PLPPR1: variants seen among roughly 807,000 people sequenced by gnomAD.
PLPPR1 encodes phospholipid phosphatase related 1, also known as phospholipid phosphatase-related protein type 1.
In PLPPR1, 10 loss-of-function variants were observed where a neutral mutation model predicts 33.1. The ratio of observed to expected loss-of-function variants is 0.30; its 90% CI spans 0.19 to 0.51. The LOEUF (loss-of-function observed/expected upper bound fraction) is 0.51. Among genes scored for constraint, PLPPR1 ranks in the 20% least tolerant of loss-of-function variants. PLPPR1 has a pLI of 0.97. For synonymous variants in PLPPR1, 151 were observed against 151.0 expected, an observed-to-expected ratio of 1.00 and a Z score of 0.00; for missense variants, 304 against 408.1, an observed-to-expected ratio of 0.74 and a Z score of 2.20.
intron 2 of PLPPR1, among the ~76,000 whole-genome samples, chr9:101,210,523 G>GAT (rs1213680034): frequency 1.3e-5 from 2 of 152,054 alleles, no homozygotes; most frequent in African/African-American, 4.8e-5. Context: ...ACTATAAGAG[G>GAT]ATTCATAGTC....
chr9:101,098,852 T>C (rs183348793), intron 1 of PLPPR1, among the ~76,000 whole-genome samples: 19 of 152,228 alleles, frequency 1.2e-4, no homozygotes, highest in African/African-American at 4.6e-4. Context: ...TTTTCAAATA[T>C]GGAAAGTGAG....
chr9:101,066,321 C>T (rs1830413350), intron 1 of PLPPR1, among the ~76,000 whole-genome samples: 1 of 151,948 alleles, frequency 6.6e-6, no homozygotes, highest in Non-Finnish European at 1.5e-5. Flanking sequence ...TAACCTTGAT[C>T]ACCTGGCTGA....
At chr9:101,160,624 G>A (rs1831760590) in intron 1 of PLPPR1, among the ~76,000 whole-genome samples, 1 of 152,036 alleles carries the variant, frequency 6.6e-6, no homozygotes, top group African/African-American at 2.4e-5. Context: ...TGTTTAACAT[G>A]GACTGAAGAT....
chr9:101,235,646 C>T (rs1459700731), intron 2 of PLPPR1, among the ~76,000 whole-genome samples: 2 of 151,704 alleles, frequency 1.3e-5, no homozygotes, highest in Admixed American at 6.6e-5. Flanking sequence ...GCTCAATTAC[C>T]GAGAGCACTT....
chr9:101,047,938 C>A (rs760969280), intron 1 of PLPPR1, among the ~76,000 whole-genome samples: 8 of 152,258 alleles, frequency 5.3e-5, no homozygotes, highest in South Asian at 2.1e-4. Flanking sequence ...AGAAACTGAA[C>A]CTTTAATGTT....
chr9:101,140,493 A>C (rs1306374525), intron 1 of PLPPR1, among the ~76,000 whole-genome samples: 1 of 152,232 alleles, frequency 6.6e-6, no homozygotes, highest in Non-Finnish European at 1.5e-5. Context: ...AAAAGGCAGC[A>C]GAAGATGCCT....
intron 2 of PLPPR1, among the ~76,000 whole-genome samples, chr9:101,261,726 C>T (rs1190520706): frequency 6.6e-6 from 1 of 152,100 alleles, no homozygotes; most frequent in Non-Finnish European, 1.5e-5. Flanking sequence ...GGCCATTATC[C>T]TTAGCAAACT....
At position 101,235,341 on chromosome 9, in the gene PLPPR1, A is replaced by T. The variant is rs1350742147; in HGVS notation, c.64-34539A>T. 3.3e-5 allele frequency among the ~76,000 whole-genome samples: 5 copies of T among 151,838 alleles called. No homozygotes were observed. In the East Asian group the frequency reaches 9.7e-4, roughly 29 times the overall value. On this transcript the variant is annotated intron_variant, in intron 2 of 7. Coordinates refer to ENST00000374874, the MANE Select transcript of PLPPR1 (RefSeq NM_207299.2). Reference sequence around the variant, plus strand: ...AGAACTGTTTAATTTCACTCTCATGACGGTTAGATGGGAGCTGTAAGCATT... The same window carrying T: ...AGAACTGTTTAATTTCACTCTCATGTCGGTTAGATGGGAGCTGTAAGCATT...
Position 101,167,141 on chromosome 9 carries a change from GGTGTGTGTGTGT to G in PLPPR1, c.-45-18278_-45-18267del, listed in dbSNP as rs756843224. 7.2e-3 allele frequency among the ~76,000 whole-genome samples: 285 copies of G among 39,744 alleles called. 7 individuals carry two copies. The highest frequency in any genetic ancestry group is 0.021 in the African/African-American group (255 of 12,244). The allele number at this position is 39,744 out of a possible 152,430, so 26.1% of individuals were successfully genotyped here. ...TGCTGTCTCTGTCTTTATGTCTCTC[GGTGTGTGTGTGT>G]GTGTGTGTGTGTGTGTGTGTGTGTG... On this transcript the variant is annotated intron_variant, in intron 1 of 7. Transcript: ENST00000374874.
chr9:101,280,472 A>G (rs760346520), intron 3 of PLPPR1, among the ~76,000 whole-genome samples: 11 of 152,132 alleles, frequency 7.2e-5, no homozygotes, highest in Non-Finnish European at 1.5e-4. Flanking sequence ...AAAACCAGAC[A>G]AAGACACATC....
At chr9:101,294,266 T>C (rs1828577002) in intron 4 of PLPPR1, among the ~76,000 whole-genome samples, 2 of 151,788 alleles carry the variant, frequency 1.3e-5, no homozygotes, top group South Asian at 4.2e-4. Flanking sequence ...AAGTTGAATC[T>C]CTGAATAGAC....
intron 1 of PLPPR1, among the ~76,000 whole-genome samples, chr9:101,045,187 C>T (rs1564129221): frequency 6.6e-6 from 1 of 152,186 alleles, no homozygotes; most frequent in Non-Finnish European, 1.5e-5. Flanking sequence ...ATGCCCTCGA[C>T]CTCTGTAGAG....
intron 2 of PLPPR1, among the ~76,000 whole-genome samples, chr9:101,266,153 G>A (rs568596126): frequency 1.7e-4 from 26 of 151,122 alleles, no homozygotes; most frequent in Non-Finnish European, 2.7e-4. Flanking sequence ...AAGGCCGGGC[G>A]CGGTGGCTCA....
chr9:101,231,339 C>A (rs1240376424), intron 2 of PLPPR1, among the ~76,000 whole-genome samples: 1 of 148,660 alleles, frequency 6.7e-6, no homozygotes, highest in Non-Finnish European at 1.5e-5. Context: ...CCTGAAGTCT[C>A]CTGGCTATAA....
At chr9:101,219,148 A>C (rs1826869552) in intron 2 of PLPPR1, among the ~76,000 whole-genome samples, 2 of 152,218 alleles carry the variant, frequency 1.3e-5, no homozygotes, top group Non-Finnish European at 2.9e-5. Context: ...ATGCTACGGA[A>C]GCTTTCTGTT....
intron 1 of PLPPR1, among the ~76,000 whole-genome samples, chr9:101,094,697 A>G (rs80033368): frequency 0.014 from 2,061 of 152,290 alleles, 56 homozygotes; most frequent in African/African-American, 0.047. Context: ...AACACTGCAC[A>G]TAGGTTGCCT....
rs34152471 is a variant in PLPPR1 at position 101,113,206 on chromosome 9, CTTT to C, written c.-45-72231_-45-72229del. 1.3e-3 allele frequency among the ~76,000 whole-genome samples: 189 copies of C among 144,234 alleles called. 1 individual carries two copies. Among genetic ancestry groups the C allele is most frequent in the African/African-American group, 3.3e-3 (130 of 39,176 alleles). 94.6% of individuals were successfully genotyped at this position (144,234 alleles called of 152,430 possible). A position where few individuals can be genotyped will look rare whatever the true frequency, so the allele number is the denominator to read the frequency against. On this transcript the variant is annotated intron_variant, in intron 1 of 7. Transcript: ENST00000374874. ...TGCTTAATTCTTAAGCATATTAATC[CTTT>C]TTTTTTTTTTTTAACCCTGGAGGAT...
At chr9:101,134,812 C>T (rs1564154406) in intron 1 of PLPPR1, among the ~76,000 whole-genome samples, 2 of 152,226 alleles carry the variant, frequency 1.3e-5, no homozygotes, top group East Asian at 3.9e-4. Context: ...ATGTGTGGGA[C>T]ACGGTGGAAC....
chr9:101,253,454 C>T lies in PLPPR1; in HGVS notation c.64-16426C>T, dbSNP rs543733292. Among the ~76,000 whole-genome samples the T allele has an allele frequency of 4.0e-5, 6 of 151,742 alleles. No homozygotes were observed. The East Asian group carries it at 5.9e-4, about 15-fold the overall frequency. On this transcript the variant is annotated intron_variant, in intron 2 of 7. Transcript: ENST00000374874. Reference sequence around the variant, plus strand: ...TACAGCTACTTGGGAGGCTGAGGCACGAGAATTGCTTGAACCCAGGAGGCT... The same window carrying T: ...TACAGCTACTTGGGAGGCTGAGGCATGAGAATTGCTTGAACCCAGGAGGCT...
Sources: allele counts gnomAD v4.1 joint callset (sites outside exome capture counted in the v4.1 genomes callset), GRCh38; gene constraint gnomAD v4.1.1; transcripts MANE v1.5; gene names NCBI Gene and HGNC (gene_info 2026-07-23, HGNC 2026-07-21).